Variants in TGFBR3 observed in about 807,000 individuals in gnomAD.
TGFBR3 encodes transforming growth factor beta receptor 3, also known as transforming growth factor beta receptor type 3.
In TGFBR3, 46 loss-of-function variants were observed where a neutral mutation model predicts 87.9. The ratio of observed to expected loss-of-function variants is 0.52; its 90% confidence interval spans 0.41 to 0.67. TGFBR3 has a LOEUF of 0.67. TGFBR3 is among the 30% of genes least tolerant of loss of function. The probability of loss-of-function intolerance (pLI) is 0.00; values close to 1 mark genes in which losing one functional copy is unlikely to be tolerated. For synonymous variants in TGFBR3, 381 were observed against 391.6 expected (o/e 0.97, Z 0.32); for missense variants, 866 against 1,041.9 (o/e 0.83, Z 2.32).
At chr1:91,778,963 A>T (rs1447588840) in intron 3 of TGFBR3, among the ~76,000 whole-genome samples, 3 of 152,190 alleles carry the variant, frequency 2.0e-5, no homozygotes, top group Non-Finnish European at 4.4e-5. Flanking sequence ...AGGCAGCCAC[A>T]TGAGTAACTG....
At chr1:91,740,889 T>C (rs907356756) in intron 4 of TGFBR3, among the ~76,000 whole-genome samples, 1 of 151,972 alleles carries the variant, frequency 6.6e-6, no homozygotes, top group African/African-American at 2.4e-5. Flanking sequence ...GTAGGGAAAA[T>C]AATTTTGTCT....
At chr1:91,766,217 T>TTG (rs1674179162) in intron 3 of TGFBR3, among the ~76,000 whole-genome samples, 1 of 149,542 alleles carries the variant, frequency 6.7e-6, no homozygotes, top group Non-Finnish European at 1.5e-5. Flanking sequence ...TTTTTTTTTT[T>TTG]GTAGAGACAG....
chr1:91,760,673 A>G lies in TGFBR3; in HGVS notation c.247-1923T>C, dbSNP rs1673926343. 2.0e-5 allele frequency among the ~76,000 whole-genome samples: 3 copies of G among 152,370 alleles called. No homozygotes were observed. In the South Asian group the frequency reaches 6.2e-4, roughly 32 times the overall value. On this transcript the variant is annotated intron_variant, in intron 3 of 16. Transcript: ENST00000212355. ...AGCTAGGATCATTTTTATATCTGGCATAAGCATAGCACTAAATCAAAGTAC... is the reference window on the plus strand; with the variant it reads ...AGCTAGGATCATTTTTATATCTGGCGTAAGCATAGCACTAAATCAAAGTAC...
chr1:91,755,992 A>C (rs1673727669), intron 4 of TGFBR3, among the ~76,000 whole-genome samples: 2 of 152,252 alleles, frequency 1.3e-5, no homozygotes, highest in Non-Finnish European at 2.9e-5. Context: ...TAAACATTTT[A>C]TATGTGATCT....
chr1:91,824,410 T>G (rs1404854569), intron 2 of TGFBR3, among the ~76,000 whole-genome samples: 1 of 152,100 alleles, frequency 6.6e-6, no homozygotes, highest in African/African-American at 2.4e-5. Context: ...GGAACATAAA[T>G]CAAGAGGAAA....
Position 91,681,822 on chromosome 1 carries a change from C to T in TGFBR3, c.*1917G>A, listed in dbSNP as rs1288557684. On this transcript the variant is annotated 3_prime_UTR_variant, in exon 17 of 17. Transcript: ENST00000212355. The stretch of plus-strand genomic sequence containing the variant: ...TAGAATATGCTGAAACAATACATTC[C>T]ACCGAAGGTTAGGCAAAGCGCAATA... 6.6e-6 allele frequency: 3 copies of T among 453,164 alleles called. No homozygotes were observed. The highest frequency in any genetic ancestry group is 2.4e-5 in the Admixed American group (1 of 42,464). 28.1% of individuals were successfully genotyped at this position (453,164 alleles called of 1,614,324 possible). A position where few individuals can be genotyped will look rare whatever the true frequency, so the allele number is the denominator to read the frequency against.
intron 2 of TGFBR3, among the ~76,000 whole-genome samples, chr1:91,833,426 A>G (rs1313609500): frequency 2.4e-5 from 3 of 125,412 alleles, no homozygotes; most frequent in Non-Finnish European, 4.7e-5. Flanking sequence ...ACACCACTGC[A>G]CTCCACCCTG....
rs1202245796 is a variant in TGFBR3 at position 91,796,883 on chromosome 1, A to AT, written c.246+403dup. ...ATGTGCTAACTACCACACCCTGCTA[A>AT]TTTTTTTTTTTTTTAGTTTTATTTT... On this transcript the variant is annotated intron_variant, in intron 3 of 16. Coordinates refer to ENST00000212355, the MANE Select transcript of TGFBR3 (RefSeq NM_003243.5). 6.6e-3 allele frequency among the ~76,000 whole-genome samples: 946 copies of AT among 144,030 alleles called. 8 individuals carry two copies. Among genetic ancestry groups the AT allele is most frequent in the African/African-American group, 0.018 (697 of 39,368 alleles). 94.5% of individuals were successfully genotyped at this position (144,030 alleles called of 152,430 possible).
At chr1:91,695,572 T>G in intron 16 of TGFBR3, 100 bp downstream of exon 16, 1 of 1,001,752 alleles carries the variant, frequency 1.0e-6, no homozygotes, top group Non-Finnish European at 1.6e-6. Context: ...GGAATGAACT[T>G]TCTCTTTCAT....
chr1:91,682,500 A>C lies in TGFBR3; in HGVS notation c.*1239T>G. On this transcript the variant is annotated 3_prime_UTR_variant, in exon 17 of 17. Transcript: ENST00000212355. ...TATTCCATTTAATGAAATTCACCTC[A>C]AGCCCTTTTTGACATATTAAATATA... The C allele has an allele frequency of 2.2e-6, 1 of 451,398 alleles. No homozygotes were observed. The highest frequency in any genetic ancestry group is 1.6e-5 in the South Asian group (1 of 64,374). 28.0% of individuals were successfully genotyped at this position (451,398 alleles called of 1,614,324 possible).
At chr1:91,852,993 GA>G (rs140625227) in intron 2 of TGFBR3, among the ~76,000 whole-genome samples, 18,499 of 150,382 alleles carry the variant, frequency 0.12, 1,465 homozygotes, top group East Asian at 0.39. Context: ...CATCTCTACA[GA>G]AAAAAAACAC....
At chr1:91,897,085 T>C (rs758672252) in intron 2 of TGFBR3, among the ~76,000 whole-genome samples, 11 of 152,226 alleles carry the variant, frequency 7.2e-5, no homozygotes, top group Non-Finnish European at 1.5e-4. Context: ...AGTACACTTA[T>C]ATACTTGCCT....
At chr1:91,684,191 A>G (rs1351270277) in intron 16 of TGFBR3, among the ~76,000 whole-genome samples, 3 of 152,198 alleles carry the variant, frequency 2.0e-5, no homozygotes, top group African/African-American at 7.2e-5. Context: ...GGTCTGTGTG[A>G]GCTGGCAACT....
chr1:91,818,266 C>G (rs1398372087), intron 2 of TGFBR3, among the ~76,000 whole-genome samples: 1 of 134,024 alleles, frequency 7.5e-6, no homozygotes, highest in Admixed American at 7.4e-5. Flanking sequence ...ACCATTTCCC[C>G]TTAGCCCCAG....
chr1:91,808,026 CT>C (rs1318531890), intron 2 of TGFBR3, among the ~76,000 whole-genome samples: 3 of 152,160 alleles, frequency 2.0e-5, no homozygotes, highest in South Asian at 2.1e-4. Context: ...TCTCTAAAAA[CT>C]TTTAGAATGA....
intron 13 of TGFBR3, among the ~76,000 whole-genome samples, 164 bp from the exon 14 acceptor site, chr1:91,708,947 G>T (rs1671889948): frequency 6.6e-6 from 1 of 152,192 alleles, no homozygotes; most frequent in African/African-American, 2.4e-5. Context: ...AAATAACCTG[G>T]GAGATATGAC....
upstream of TGFBR3, among the ~76,000 whole-genome samples, chr1:91,889,518 C>T (rs2101326643): frequency 6.6e-6 from 1 of 152,224 alleles, no homozygotes; most frequent in South Asian, 2.1e-4. Flanking sequence ...ACAAAATTAA[C>T]AATGTCTACA....
At chr1:91,839,019 C>G (rs1677170366) in intron 2 of TGFBR3, among the ~76,000 whole-genome samples, 1 of 152,058 alleles carries the variant, frequency 6.6e-6, no homozygotes, top group Non-Finnish European at 1.5e-5. Flanking sequence ...ACTCTGTCAC[C>G]CAGGCTAGAG....
chr1:91,763,619 A>C (rs1674057372), intron 3 of TGFBR3, among the ~76,000 whole-genome samples: 2 of 152,202 alleles, frequency 1.3e-5, no homozygotes, highest in South Asian at 4.1e-4. Flanking sequence ...ACTTGGCAAC[A>C]ATGTTAGTAG....
Sources: gnomAD v4.1 joint callset for allele counts (sites outside exome capture counted in the v4.1 genomes callset) on GRCh38, gnomAD v4.1.1 for gene constraint, MANE v1.5 for transcripts, NCBI Gene and HGNC (gene_info 2026-07-23, HGNC 2026-07-21) for gene names.